The following IFFO2 variants were observed in gnomAD, a reference collection of about 807,000 sequenced individuals.
The protein encoded by IFFO2 is intermediate filament family orphan 2.
IFFO2 carries 19 observed loss-of-function variants against 53.5 expected under a neutral mutation model. The observed-to-expected ratio is 0.36, with a 90% CI of 0.25 to 0.52. The LOEUF (loss-of-function observed/expected upper bound fraction) is 0.52. Among genes scored for constraint, IFFO2 ranks in the 20% least tolerant of loss-of-function variants. IFFO2 has a pLI of 0.94. For missense variants in IFFO2, 570 were observed against 727.4 expected (o/e 0.78, Z 2.49); for synonymous variants, 303 against 313.6 (o/e 0.97, Z 0.36).
At chr1:18,935,366 G>A (rs183949264) in intron 1 of IFFO2, among the ~76,000 whole-genome samples, 28 of 152,246 alleles carry the variant, frequency 1.8e-4, no homozygotes, top group African/African-American at 5.5e-4. Context: ...ACAAGGCCAC[G>A]TGCTAGGGTA....
At chr1:18,927,733 A>C (rs895285525) in intron 1 of IFFO2, among the ~76,000 whole-genome samples, 1 of 152,260 alleles carries the variant, frequency 6.6e-6, no homozygotes, top group African/African-American at 2.4e-5. Context: ...ACAGTGGTAG[A>C]CCAGGGGAGC....
intron 5 of IFFO2, among the ~76,000 whole-genome samples, chr1:18,913,460 G>A (rs1054967720): frequency 3.3e-5 from 5 of 152,258 alleles, no homozygotes; most frequent in Non-Finnish European, 7.3e-5. Context: ...ACAGAAAGAC[G>A]GGCAAGAGAA....
intron 1 of IFFO2, among the ~76,000 whole-genome samples, chr1:18,938,636 T>C (rs1304688787): frequency 6.6e-6 from 1 of 152,140 alleles, no homozygotes; most frequent in South Asian, 2.1e-4. Flanking sequence ...CTTGAGCCCA[T>C]CCCTGCACCT....
chr1:18,936,816 C>G lies in IFFO2; in HGVS notation c.666-15695G>C, dbSNP rs1326002408. ...AGCCCACCAGGCAAGAGTCAGCACACCTGGGTTGAAAGCAAGGCTCTGCGG... is the reference window on the plus strand; with the variant it reads ...AGCCCACCAGGCAAGAGTCAGCACAGCTGGGTTGAAAGCAAGGCTCTGCGG... On this transcript the variant is annotated intron_variant, in intron 1 of 8. Transcript: ENST00000455833. This position sits in a 1 kb window ranked among gnomAD's most constrained non-coding sequence, Gnocchi z 4.5. Among the ~76,000 whole-genome samples, 1 of 152,182 alleles carries G rather than the reference C, an allele frequency of 6.6e-6. No individual in the cohort carries two copies. The highest frequency in any genetic ancestry group is 1.5e-5 in the Non-Finnish European group (1 of 68,034).
intron 5 of IFFO2, among the ~76,000 whole-genome samples, chr1:18,915,014 T>C (rs1030490967): frequency 5.3e-5 from 8 of 151,888 alleles, no homozygotes; most frequent in Non-Finnish European, 1.0e-4. Flanking sequence ...GGCAAAAGAG[T>C]TCCTGTCCCC....
At chr1:18,925,548 A>G (rs1936271695) in intron 1 of IFFO2, among the ~76,000 whole-genome samples, 1 of 152,164 alleles carries the variant, frequency 6.6e-6, no homozygotes, top group African/African-American at 2.4e-5. Context: ...TCTCAGGCAC[A>G]GAGATGGGGC....
chr1:18,953,194 G>C (rs193254980), intron 1 of IFFO2, among the ~76,000 whole-genome samples: 32 of 152,328 alleles, frequency 2.1e-4, no homozygotes, highest in South Asian at 6.2e-4. Flanking sequence ...CCCTTAGACG[G>C]TGACTTCTCT....
At chr1:18,951,906 C>T (rs1244979021) in intron 1 of IFFO2, among the ~76,000 whole-genome samples, 3 of 152,128 alleles carry the variant, frequency 2.0e-5, no homozygotes, top group African/African-American at 2.4e-5. Context: ...AGCCACAACA[C>T]GGGCCTCTTG....
chr1:18,945,512 A>G (rs989770310), intron 1 of IFFO2, among the ~76,000 whole-genome samples: 25 of 152,284 alleles, frequency 1.6e-4, no homozygotes, highest in African/African-American at 5.8e-4. Flanking sequence ...GTCTTAAATA[A>G]CTCAAGTAAT....
At chr1:18,922,276 G>A (rs1271387704) in intron 1 of IFFO2, among the ~76,000 whole-genome samples, 1 of 152,144 alleles carries the variant, frequency 6.6e-6, no homozygotes, top group Non-Finnish European at 1.5e-5. Context: ...GCTGGGGGCA[G>A]GTTCTTTCCC....
Position 18,916,729 on chromosome 1 carries a change from G to C in IFFO2, c.1103+174C>G, listed in dbSNP as rs1407061113. 6.6e-6 allele frequency among the ~76,000 whole-genome samples: 1 copy of C among 151,806 alleles called. No homozygotes were observed. Among genetic ancestry groups the C allele is most frequent in the East Asian group, 1.9e-4 (1 of 5,160 alleles). ...TGCAGTGAGCTGTGACCATGCCGCC[G>C]CACTCCAGCCTCCAGCCTGGGTGAC... On this transcript the variant is annotated intron_variant, in intron 5 of 8. Coordinates refer to ENST00000455833, the MANE Select transcript of IFFO2 (RefSeq NM_001136265.2). The surrounding 1 kb of genome is among the most constrained non-coding windows in gnomAD (Gnocchi z 4.3).
chr1:18,933,682 C>T (rs1252896388), intron 1 of IFFO2, among the ~76,000 whole-genome samples: 1 of 152,134 alleles, frequency 6.6e-6, no homozygotes, highest in Non-Finnish European at 1.5e-5. Context: ...TGCTTGAGCC[C>T]AGGACCTCAA....
intron 1 of IFFO2, among the ~76,000 whole-genome samples, chr1:18,926,221 G>A (rs1936295246): frequency 1.3e-5 from 2 of 152,164 alleles, no homozygotes; most frequent in Admixed American, 1.3e-4. Context: ...TTCCCCCAGA[G>A]CATCCTTAGA....
chr1:18,914,127 G>A (rs7540510), intron 5 of IFFO2, among the ~76,000 whole-genome samples: 42,148 of 152,200 alleles, frequency 0.28, 6,042 homozygotes, highest in Middle Eastern at 0.35. Context: ...CACCGCGCCC[G>A]GCCTGTTTGT....
intron 1 of IFFO2, among the ~76,000 whole-genome samples, chr1:18,934,586 T>C (rs1249529570): frequency 6.6e-6 from 1 of 151,976 alleles, no homozygotes. Flanking sequence ...ACACAAGAAA[T>C]AGAAAAAGAA....
intron 1 of IFFO2, among the ~76,000 whole-genome samples, chr1:18,932,916 G>C (rs1455859974): frequency 1.3e-5 from 2 of 152,194 alleles, no homozygotes; most frequent in African/African-American, 4.8e-5. Flanking sequence ...CTGGCACCAA[G>C]AGAGCCTTCA....
chr1:18,918,335 GC>G lies in IFFO2; in HGVS notation c.963+26del, dbSNP rs1410113336. 6.5e-7 allele frequency: 1 copy of G among 1,541,240 alleles called. No individual in the cohort carries two copies. The highest frequency in any genetic ancestry group is 8.8e-7 in the Non-Finnish European group (1 of 1,138,422). On this transcript the variant is annotated intron_variant, in intron 4 of 8. Coordinates refer to ENST00000455833, the MANE Select transcript of IFFO2 (RefSeq NM_001136265.2). This position sits in a 1 kb window ranked among gnomAD's most constrained non-coding sequence, Gnocchi z 5.2. ...GCTGCTCTGGGAGAGTGGGGGGTTG[GC>G]TGGTGAGCAGGGCAGCCCTAGTCAC...
Position 18,908,211 on chromosome 1 carries a change from T to C in IFFO2, c.*350A>G. 1 of 282,824 alleles carries C rather than the reference T, an allele frequency of 3.5e-6. No individual in the cohort carries two copies. Among genetic ancestry groups the C allele is most frequent in the Non-Finnish European group, 7.1e-6 (1 of 140,970 alleles). 17.5% of individuals were successfully genotyped at this position (282,824 alleles called of 1,614,324 possible). ...CCGGCCCTCAGCTTAGAGTTCTGTA[T>C]AAAAACACCTGCTAGGAATAATTCT... On this transcript the variant is annotated 3_prime_UTR_variant, in exon 9 of 9. Coordinates refer to ENST00000455833, the MANE Select transcript of IFFO2 (RefSeq NM_001136265.2).
chr1:18,930,071 C>G (rs897705712), intron 1 of IFFO2, among the ~76,000 whole-genome samples: 1 of 152,198 alleles, frequency 6.6e-6, no homozygotes, highest in Non-Finnish European at 1.5e-5. Context: ...GTCCTGGGAT[C>G]AAATCCCAGC....
Sources: gnomAD v4.1 joint callset for allele counts (sites outside exome capture counted in the v4.1 genomes callset) on GRCh38, gnomAD v4.1.1 for gene constraint, Gnocchi (gnomAD v3.1) non-coding constraint, MANE v1.5 for transcripts, NCBI Gene and HGNC (gene_info 2026-07-23, HGNC 2026-07-21) for gene names.